SAMD5: variants seen among roughly 807,000 people sequenced by gnomAD.
SAMD5 encodes sterile alpha motif domain-containing protein 5.
SAMD5 carries 13 observed loss-of-function variants against 11.3 expected under a neutral mutation model. The ratio of observed to expected loss-of-function variants is 1.15; its 90% CI spans 0.75 to 1.83. The LOEUF is 1.83. SAMD5 is among the 40% of genes most tolerant of loss of function. SAMD5 has a pLI of 0.00. For synonymous variants in SAMD5, 129 were observed against 111.3 expected, an observed-to-expected ratio of 1.16 and a Z score of -1.00; for missense variants, 255 against 239.1, an observed-to-expected ratio of 1.07 and a Z score of -0.44.
At chr6:147,842,821 A>T in the SAMD5 span, among the ~76,000 whole-genome samples, 1 of 152,330 alleles carries the variant, frequency 6.6e-6, no homozygotes, top group East Asian at 1.9e-4. Flanking sequence ...TGAATTGATG[A>T]TAGTTGCCCA....
intron 1 of SAMD5, among the ~76,000 whole-genome samples, chr6:147,611,389 C>T (rs1255410935): frequency 6.6e-6 from 1 of 151,896 alleles, no homozygotes; most frequent in Non-Finnish European, 1.5e-5. Flanking sequence ...ATGGTGAAAC[C>T]CCATCTCTAC....
chr6:147,822,835 GAC>G, the SAMD5 span, among the ~76,000 whole-genome samples: 1 of 152,118 alleles, frequency 6.6e-6, no homozygotes, highest in African/African-American at 2.4e-5. Flanking sequence ...TATTTTTTGA[GAC>G]AGAGTCTCAC....
At chr6:147,653,664 C>A (rs1790524219) in intron 1 of SAMD5, among the ~76,000 whole-genome samples, 1 of 152,190 alleles carries the variant, frequency 6.6e-6, no homozygotes, top group Non-Finnish European at 1.5e-5. Flanking sequence ...AAGACACTTT[C>A]AAATATGCAC....
the SAMD5 span, among the ~76,000 whole-genome samples, chr6:147,749,172 G>GTT: frequency 3.9e-4 from 54 of 137,290 alleles, no homozygotes; most frequent in African/African-American, 1.1e-3. Flanking sequence ...TTTTTGTTTT[G>GTT]TTTTTTTTTT....
intron 1 of SAMD5, among the ~76,000 whole-genome samples, chr6:147,649,346 G>A (rs778317094): frequency 2.0e-4 from 31 of 151,994 alleles, no homozygotes; most frequent in Non-Finnish European, 3.1e-4. Context: ...TCCAATTTGC[G>A]GAATATTGGC....
At position 147,509,110 on chromosome 6, in the gene SAMD5, G is replaced by A. The variant is rs1269586745; in HGVS notation, c.182G>A (p.Arg61Gln). The A allele has an allele frequency of 5.0e-6, 8 of 1,584,174 alleles. No individual in the cohort carries two copies. The highest frequency in any genetic ancestry group is 6.0e-6 in the Non-Finnish European group (7 of 1,167,244). The change falls in exon 1 of 2, where the codon CGG becomes CAG. Residue 61 changes from arginine to glutamine, a missense_variant. By Grantham distance (43) the Arg-to-Gln change is conservative. Transcript: ENST00000367474. ...CGCCGTATCCTGGAGGCCGTGCGCC[G>A]GCTGCGGGAGCAGGACGCCAACGCC... The part of the protein sequence containing the change: ...HRRRILEAVR[R>Q]LREQDANAAG...
At chr6:147,515,419 G>A (rs534825422) in intron 1 of SAMD5, among the ~76,000 whole-genome samples, 26 of 145,150 alleles carry the variant, frequency 1.8e-4, no homozygotes, top group Non-Finnish European at 3.3e-4. Context: ...TTATCCATCC[G>A]TCTTCCATCC....
the SAMD5 span, among the ~76,000 whole-genome samples, chr6:147,821,423 C>T: frequency 2.0e-5 from 3 of 152,190 alleles, no homozygotes; most frequent in African/African-American, 7.2e-5. Context: ...CCACGTGGTT[C>T]TGCAGGGAAA....
At chr6:147,623,870 A>AT (rs1225468899) in intron 1 of SAMD5, among the ~76,000 whole-genome samples, 1 of 151,204 alleles carries the variant, frequency 6.6e-6, no homozygotes, top group African/African-American at 2.4e-5. Context: ...CTTTTTTTTT[A>AT]TTTTTTTATT....
the SAMD5 span, among the ~76,000 whole-genome samples, chr6:147,834,286 T>C: frequency 3.1e-3 from 479 of 152,244 alleles, 2 homozygotes; most frequent in African/African-American, 0.011. Context: ...TCTGTTTTGC[T>C]GACGTAAGAG....
chr6:147,680,390 C>T (rs1181740155), intron 1 of SAMD5, among the ~76,000 whole-genome samples: 1 of 152,104 alleles, frequency 6.6e-6, no homozygotes, highest in African/African-American at 2.4e-5. Flanking sequence ...ACTTGCTAAA[C>T]TCACATATTA....
chr6:147,646,971 CTAATAATAATAATAA>C (rs5880722), intron 1 of SAMD5, among the ~76,000 whole-genome samples: 4,512 of 138,022 alleles, frequency 0.033, 235 homozygotes, highest in African/African-American at 0.11. Context: ...AACCTCATCT[CTAATAATAATAATAA>C]TAATAATAAT....
At chr6:147,714,612 G>T (rs1171720358) in intron 1 of SAMD5, among the ~76,000 whole-genome samples, 1 of 152,194 alleles carries the variant, frequency 6.6e-6, no homozygotes, top group African/African-American at 2.4e-5. Context: ...TGAAAGATAA[G>T]TTAAAGGTGT....
At position 147,570,002 on chromosome 6, in the gene SAMD5, A is replaced by G. The variant is rs868308658; in HGVS notation, c.*5546A>G. On this transcript the variant is annotated 3_prime_UTR_variant, in exon 2 of 2. Coordinates refer to ENST00000367474, the MANE Select transcript of SAMD5 (RefSeq NM_001030060.3). ...CAAACATATGTCCGCTCTTCAATAA[A>G]TGTTACGGCTTTCACAGCGGTTCCG... is the stretch of plus-strand genomic sequence containing the variant. The G allele has an allele frequency of 1.0e-6, 1 of 984,680 alleles. No homozygotes were observed. Among genetic ancestry groups the G allele is most frequent in the Non-Finnish European group, 1.2e-6 (1 of 829,194 alleles). The allele number at this position is 984,680 out of a possible 1,614,324, so 61.0% of individuals were successfully genotyped here.
At chr6:147,949,461 T>C in the SAMD5 span, among the ~76,000 whole-genome samples, 1 of 152,234 alleles carries the variant, frequency 6.6e-6, no homozygotes, top group Non-Finnish European at 1.5e-5. Flanking sequence ...GGCTGAGTTT[T>C]ATTTTCACTA....
chr6:147,933,499 A>G, the SAMD5 span, among the ~76,000 whole-genome samples: 2 of 152,136 alleles, frequency 1.3e-5, no homozygotes, highest in African/African-American at 4.8e-5. Context: ...AGGCTAGGGA[A>G]TAGGGAAGTG....
chr6:147,767,069 A>G, the SAMD5 span, among the ~76,000 whole-genome samples: 2 of 152,254 alleles, frequency 1.3e-5, no homozygotes, highest in Non-Finnish European at 2.9e-5. Context: ...TTATAGTGAT[A>G]TAAATGGTGA....
chr6:147,763,001 C>T, the SAMD5 span, among the ~76,000 whole-genome samples: 1 of 151,834 alleles, frequency 6.6e-6, no homozygotes, highest in Non-Finnish European at 1.5e-5. Context: ...ATTTTTGGAC[C>T]TACAACAAAA....
intron 1 of SAMD5, among the ~76,000 whole-genome samples, chr6:147,734,954 G>A (rs903990308): frequency 3.3e-5 from 5 of 152,038 alleles, no homozygotes; most frequent in African/African-American, 1.2e-4. Context: ...CTGCCAAAAT[G>A]ATATATGTGC....
Sources: gnomAD v4.1 joint callset for allele counts (sites outside exome capture counted in the v4.1 genomes callset) on GRCh38, gnomAD v4.1.1 for gene constraint, MANE v1.5 for transcripts, NCBI Gene and HGNC (gene_info 2026-07-23, HGNC 2026-07-21) for gene names.